Variants in CPA6 observed in about 807,000 individuals in gnomAD.
CPA6 encodes the protein carboxypeptidase B.
A neutral mutation model predicts 63.3 loss-of-function variants in CPA6; 58 were observed. That is an observed-to-expected ratio of 0.92 (90% confidence interval 0.74 to 1.14). The LOEUF is 1.14. Ranked by LOEUF, CPA6 falls within the 50% of genes most tolerant of loss-of-function variation. CPA6 has a pLI of 0.00. For missense variants in CPA6, 565 were observed against 526.6 expected (o/e 1.07, Z -0.71); for synonymous variants, 185 against 179.0 (o/e 1.03, Z -0.27).
intron 2 of CPA6, among the ~76,000 whole-genome samples, chr8:67,617,435 A>G (rs1469784867): frequency 6.6e-6 from 1 of 152,206 alleles, no homozygotes; most frequent in Non-Finnish European, 1.5e-5. Flanking sequence ...ATGCTACAGA[A>G]GGCAAAAGTC....
intron 8 of CPA6, among the ~76,000 whole-genome samples, chr8:67,439,671 C>T (rs996797199): frequency 6.6e-6 from 1 of 151,702 alleles, no homozygotes; most frequent in African/African-American, 2.4e-5. Context: ...ATTAAGACGG[C>T]AGAAATAAGT....
At chr8:67,465,841 C>A (rs1304617859) in intron 8 of CPA6, among the ~76,000 whole-genome samples, 6 of 152,100 alleles carry the variant, frequency 3.9e-5, no homozygotes, top group African/African-American at 1.4e-4. Flanking sequence ...TAATGTGCTG[C>A]TGGGTTTTGT....
chr8:67,615,013 A>C (rs1359685127), intron 2 of CPA6, among the ~76,000 whole-genome samples: 1 of 152,134 alleles, frequency 6.6e-6, no homozygotes, highest in Admixed American at 6.6e-5. Context: ...TTAAATTCGA[A>C]TGATGTTAGT....
chr8:67,533,472 A>G (rs1164545744), intron 2 of CPA6, among the ~76,000 whole-genome samples: 1 of 152,236 alleles, frequency 6.6e-6, no homozygotes, highest in Non-Finnish European at 1.5e-5. Context: ...TAAACAAATA[A>G]CTAATGAATG....
intron 2 of CPA6, among the ~76,000 whole-genome samples, chr8:67,617,402 GC>G (rs1484686530): frequency 2.6e-5 from 4 of 152,124 alleles, no homozygotes; most frequent in Admixed American, 6.5e-5. Flanking sequence ...ATAATAAGCA[GC>G]TTTTTCTCTC....
At chr8:67,623,997 A>G (rs1178762756) in intron 2 of CPA6, among the ~76,000 whole-genome samples, 179 bp downstream of exon 2, 1 of 151,908 alleles carries the variant, frequency 6.6e-6, no homozygotes. Context: ...ACTTTGTCTC[A>G]AATAAAATAA....
intron 8 of CPA6, among the ~76,000 whole-genome samples, chr8:67,443,428 T>C (rs761205890): frequency 2.6e-5 from 4 of 152,200 alleles, no homozygotes; most frequent in Non-Finnish European, 5.9e-5. Flanking sequence ...ACATCTCTTG[T>C]CATCTAATCC....
At chr8:67,595,589 G>A (rs774654842) in intron 2 of CPA6, among the ~76,000 whole-genome samples, 5 of 152,252 alleles carry the variant, frequency 3.3e-5, no homozygotes, top group South Asian at 2.1e-4. Context: ...GGGCAATGGC[G>A]GGCGCCCCTC....
chr8:67,523,925 T>C (rs572770268), intron 2 of CPA6, among the ~76,000 whole-genome samples: 1 of 152,358 alleles, frequency 6.6e-6, no homozygotes, highest in African/African-American at 2.4e-5. Flanking sequence ...ATATTTATTC[T>C]CAGTTTTTGT....
chr8:67,641,146 G>C (rs551941876), intron 1 of CPA6, among the ~76,000 whole-genome samples: 1 of 151,860 alleles, frequency 6.6e-6, no homozygotes, highest in African/African-American at 2.4e-5. Context: ...CAGATAGCCT[G>C]CCGCTGCCAT....
At chr8:67,616,217 T>G (rs868524640) in intron 2 of CPA6, among the ~76,000 whole-genome samples, 69 of 152,310 alleles carry the variant, frequency 4.5e-4, no homozygotes, top group African/African-American at 1.6e-3. Context: ...AAGCTTCCTA[T>G]GTGTACCCTG....
chr8:67,486,825 T>G (rs1441711950), intron 6 of CPA6, among the ~76,000 whole-genome samples: 1 of 152,120 alleles, frequency 6.6e-6, no homozygotes, highest in Non-Finnish European at 1.5e-5. Flanking sequence ...TGTTTTCTAT[T>G]TTATTGACTT....
intron 10 of CPA6, among the ~76,000 whole-genome samples, chr8:67,427,195 A>C (rs1394647492): frequency 6.6e-6 from 1 of 152,198 alleles, no homozygotes; most frequent in Non-Finnish European, 1.5e-5. Flanking sequence ...TCAAGGCTGC[A>C]GTGGACCTAA....
At chr8:67,634,738 T>G (rs1815429439) in intron 1 of CPA6, among the ~76,000 whole-genome samples, 1 of 151,628 alleles carries the variant, frequency 6.6e-6, no homozygotes, top group Non-Finnish European at 1.5e-5. Flanking sequence ...TACATTATGT[T>G]CCAGGCACAG....
chr8:67,641,740 C>T (rs545222764), intron 1 of CPA6, among the ~76,000 whole-genome samples: 1 of 151,812 alleles, frequency 6.6e-6, no homozygotes, highest in African/African-American at 2.4e-5. Flanking sequence ...AAGAACAAAA[C>T]ATAAAAACTA....
intron 8 of CPA6, among the ~76,000 whole-genome samples, chr8:67,447,300 C>T (rs1399429223): frequency 6.6e-6 from 1 of 152,000 alleles, no homozygotes; most frequent in Non-Finnish European, 1.5e-5. Flanking sequence ...TCCTGCCTGC[C>T]TATTGTTGGG....
intron 1 of CPA6, among the ~76,000 whole-genome samples, chr8:67,695,654 A>G (rs1287550109): frequency 1.3e-5 from 2 of 152,184 alleles, no homozygotes; most frequent in African/African-American, 4.8e-5. Flanking sequence ...CATGTTCCCC[A>G]CTATCTTGAA....
At chr8:67,742,086 A>G (rs531324672) in intron 1 of CPA6, among the ~76,000 whole-genome samples, 68 of 152,210 alleles carry the variant, frequency 4.5e-4, no homozygotes, top group African/African-American at 1.6e-3. Context: ...TAATACTTGC[A>G]TGAACAAAGG....
At chr8:67,451,866 T>G (rs1041710032) in intron 8 of CPA6, among the ~76,000 whole-genome samples, 4 of 152,160 alleles carry the variant, frequency 2.6e-5, no homozygotes, top group Non-Finnish European at 5.9e-5. Context: ...AAACGCTGAG[T>G]TTTTCCTAAG....
Sources: allele counts gnomAD v4.1 joint callset (sites outside exome capture counted in the v4.1 genomes callset), GRCh38; gene constraint gnomAD v4.1.1; transcripts MANE v1.5; gene names NCBI Gene and HGNC (gene_info 2026-07-23, HGNC 2026-07-21).